Variants in PTPRJ observed in about 807,000 individuals in gnomAD.
PTPRJ encodes receptor-type tyrosine-protein phosphatase eta.
In PTPRJ, 129 loss-of-function variants were observed where a neutral mutation model predicts 141.3. That is an observed-to-expected ratio of 0.91 (90% CI 0.79 to 1.06). The LOEUF (loss-of-function observed/expected upper bound fraction) is 1.06. Ranked by LOEUF, PTPRJ falls within the 50% of genes least tolerant of loss-of-function variation. The pLI is 0.00. For synonymous variants in PTPRJ, 610 were observed against 640.5 expected, an observed-to-expected ratio of 0.95 and a Z score of 0.72; for missense variants, 1,601 against 1,679.7, an observed-to-expected ratio of 0.95 and a Z score of 0.82.
At chr11:48,021,086 T>G (rs550484581) in intron 1 of PTPRJ, among the ~76,000 whole-genome samples, 2 of 152,280 alleles carry the variant, frequency 1.3e-5, no homozygotes, top group East Asian at 3.9e-4. Context: ...TAACAAAAGG[T>G]TAAGCTGCTG....
chr11:47,992,855 GGTGTGTAT>G (rs1854232837), intron 1 of PTPRJ, among the ~76,000 whole-genome samples: 2 of 152,018 alleles, frequency 1.3e-5, no homozygotes, highest in South Asian at 4.2e-4. Flanking sequence ...ACGTGTGTGT[GGTGTGTAT>G]GTGTGTATAC....
chr11:48,162,025 C>T (rs951804242), intron 22 of PTPRJ, among the ~76,000 whole-genome samples: 1 of 152,120 alleles, frequency 6.6e-6, no homozygotes, highest in Non-Finnish European at 1.5e-5. Context: ...GAGTTGTCCA[C>T]ATCATTTTTA....
intron 22 of PTPRJ, among the ~76,000 whole-genome samples, chr11:48,160,909 C>T (rs374300252): frequency 2.6e-5 from 4 of 151,886 alleles, no homozygotes; most frequent in Non-Finnish European, 4.4e-5. Context: ...GGCCCAGGTG[C>T]GGTGATTCTA....
At chr11:48,099,641 T>A (rs1039528073) in intron 1 of PTPRJ, among the ~76,000 whole-genome samples, 1 of 152,166 alleles carries the variant, frequency 6.6e-6, no homozygotes, top group South Asian at 2.1e-4. Flanking sequence ...TGATCTCCTA[T>A]CTGATGCTCA....
chr11:48,155,911 T>A (rs1857588184), intron 20 of PTPRJ, 37 bp downstream of exon 20: 1 of 1,588,240 alleles, frequency 6.3e-7, no homozygotes. Context: ...CTGGACTGTT[T>A]CGATGAAATC....
rs182355886 is a variant in PTPRJ, at chr11:48,116,905, C to A, written c.352+3922C>A. On this transcript the variant is annotated intron_variant, in intron 3 of 24. Transcript: ENST00000418331. ...CTTAAGCAATTTTGTTAACATATTTCTTTTTCTTCTTTAAAATGGTGCCAT... is the reference window on the plus strand; with the variant it reads ...CTTAAGCAATTTTGTTAACATATTTATTTTTCTTCTTTAAAATGGTGCCAT... Among the ~76,000 whole-genome samples the A allele has an allele frequency of 3.7e-4, 56 of 152,256 alleles. No homozygotes were observed. The East Asian group carries it at 9.3e-3, about 25-fold the overall frequency.
At chr11:48,090,738 TTCCTGAGAAGAGCATGGGC>T (rs1338626218) in intron 1 of PTPRJ, among the ~76,000 whole-genome samples, 1 of 152,184 alleles carries the variant, frequency 6.6e-6, no homozygotes, top group African/African-American at 2.4e-5. Context: ...ACCTTTCCCT[TTCCTGAGAAGAGCATGGGC>T]CACTGGCTTT....
chr11:47,989,052 T>G (rs564839062), intron 1 of PTPRJ, among the ~76,000 whole-genome samples: 1 of 150,616 alleles, frequency 6.6e-6, no homozygotes, highest in South Asian at 2.1e-4. Context: ...CCCAGCTAAT[T>G]TTTTGTATTT....
Position 48,167,189 on chromosome 11 carries a change from T to A in PTPRJ, c.3856-15T>A, listed in dbSNP as rs1857936299. Reference sequence around the variant, plus strand: ...CATGTTCATTTTCTGTCTCTCTCTTTCGTTTTTCTATCAGGACCAGTATGT... The same window carrying A: ...CATGTTCATTTTCTGTCTCTCTCTTACGTTTTTCTATCAGGACCAGTATGT... On this transcript the variant is annotated splice_polypyrimidine_tract_variant and intron_variant, in intron 24 of 24. Coordinates refer to ENST00000418331, the MANE Select transcript of PTPRJ (RefSeq NM_002843.4). 1 of 1,598,560 alleles carries A rather than the reference T, an allele frequency of 6.3e-7. No individual in the cohort carries two copies.
Position 47,980,978 on chromosome 11 carries a change from G to A in PTPRJ, c.66G>A (p.Pro22=). 4.3e-6 allele frequency: 5 copies of A among 1,153,806 alleles called. No homozygotes were observed. The highest frequency in any genetic ancestry group is 5.4e-6 in the Non-Finnish European group (5 of 933,554). The allele number at this position is 1,153,806 out of a possible 1,614,324, so 71.5% of individuals were successfully genotyped here. A position where few individuals can be genotyped will look rare whatever the true frequency, so the allele number is the denominator to read the frequency against. Residue 22 remains proline (P), a synonymous_variant, in exon 1 of 25, where the codon CCG becomes CCA. Coordinates refer to ENST00000418331, the MANE Select transcript of PTPRJ (RefSeq NM_002843.4). ...CGCCCGGGCTGCGCTGGGCGCTGCC[G>A]CTGCTGCTGCTGCTGCTGCGCCTGG... is the stretch of plus-strand genomic sequence containing the variant. ...PRSPGLRWAL[P]LLLLLLRLGQ...
intron 1 of PTPRJ, among the ~76,000 whole-genome samples, chr11:47,988,206 G>T (rs1004508089): frequency 6.6e-6 from 1 of 152,148 alleles, no homozygotes; most frequent in Non-Finnish European, 1.5e-5. Flanking sequence ...TCTTTCTTGG[G>T]GGGGAAAAGA....
chr11:48,048,254 C>T (rs1270746956), intron 1 of PTPRJ, among the ~76,000 whole-genome samples: 2 of 152,110 alleles, frequency 1.3e-5, no homozygotes, highest in Non-Finnish European at 2.9e-5. Flanking sequence ...TACAGGTAAT[C>T]CCAAGCAGCT....
intron 9 of PTPRJ, 147 bp downstream of exon 9, chr11:48,136,443 TCTG>T: frequency 1.0e-6 from 1 of 980,128 alleles, no homozygotes; most frequent in Non-Finnish European, 1.5e-6. Flanking sequence ...CAGCAATGGT[TCTG>T]CTGTCACCAT....
At position 48,125,122 on chromosome 11, in the gene PTPRJ, C is replaced by T. The variant is rs754032385; in HGVS notation, c.1029C>T (p.Ala343=). Residue 343 remains alanine (A), a synonymous_variant, in exon 6 of 25, where the codon GCC becomes GCT. Coordinates refer to ENST00000418331, the MANE Select transcript of PTPRJ (RefSeq NM_002843.4). The part of the protein sequence containing the change: ...VGLEPGTRYN[A]TVYSQAANGT... ...TAGAGCCTGGCACCCGATACAATGC[C>T]ACCGTTTATTCCCAAGCAGCGAATG... The T allele has an allele frequency of 7.2e-5, 117 of 1,614,042 alleles. No individual in the cohort carries two copies. Among genetic ancestry groups the T allele is most frequent in the Non-Finnish European group, 9.7e-5 (114 of 1,180,012 alleles).
intron 2 of PTPRJ, among the ~76,000 whole-genome samples, chr11:48,112,112 G>A (rs1022589119): frequency 6.6e-6 from 1 of 152,070 alleles, no homozygotes; most frequent in African/African-American, 2.4e-5. Context: ...TCCAGTCATC[G>A]CATCCACACT....
chr11:48,029,889 C>A (rs1241168845), intron 1 of PTPRJ, among the ~76,000 whole-genome samples: 2 of 152,170 alleles, frequency 1.3e-5, no homozygotes, highest in African/African-American at 4.8e-5. Flanking sequence ...AGTTGGCCCC[C>A]ACTCCCTTCC....
intron 1 of PTPRJ, among the ~76,000 whole-genome samples, chr11:47,990,170 G>A (rs184748583): frequency 8.5e-5 from 13 of 152,156 alleles, no homozygotes; most frequent in African/African-American, 3.1e-4. Flanking sequence ...CAAAAAACTA[G>A]CCAGTCATTT....
chr11:48,011,546 TG>T (rs1482282059), intron 1 of PTPRJ, among the ~76,000 whole-genome samples: 1 of 152,210 alleles, frequency 6.6e-6, no homozygotes, highest in African/African-American at 2.4e-5. Context: ...AGTAGAGAGT[TG>T]GGGGTACTCT....
At position 48,155,880 on chromosome 11, in the gene PTPRJ, T is replaced by C. The variant is rs765089725; in HGVS notation, c.3303+6T>C. On this transcript the variant is annotated splice_donor_region_variant and intron_variant, in intron 20 of 24. Transcript: ENST00000418331. ...TCAATGCCAACTACATGCCTGTAAGTTGGGGGACGGTCTCACAGCACTGGA... is the reference window on the plus strand; with the variant it reads ...TCAATGCCAACTACATGCCTGTAAGCTGGGGGACGGTCTCACAGCACTGGA... 13 of 1,601,160 alleles carry C rather than the reference T, an allele frequency of 8.1e-6. No individual in the cohort carries two copies. The Admixed American group carries it at 8.3e-5, about 10-fold the overall frequency.
Sources: gnomAD v4.1 joint callset for allele counts (sites outside exome capture counted in the v4.1 genomes callset) on GRCh38, gnomAD v4.1.1 for gene constraint, MANE v1.5 for transcripts, NCBI Gene and HGNC (gene_info 2026-07-23, HGNC 2026-07-21) for gene names.